Variants in RFX7 observed in about 807,000 individuals in gnomAD.
RFX7 encodes the protein DNA-binding protein RFX7.
Under a neutral mutation model 111.8 loss-of-function variants are expected in RFX7, and 26 were observed. The observed-to-expected ratio is 0.23, with a 90% CI of 0.17 to 0.32. RFX7 has a LOEUF of 0.32. RFX7 is among the 10% of genes least tolerant of loss of function. The pLI is 1.00. For missense variants in RFX7, 1,573 were observed against 1,772.9 expected, an observed-to-expected ratio of 0.89 and a Z score of 2.02; for synonymous variants, 624 against 624.4, an observed-to-expected ratio of 1.00 and a Z score of 0.01.
At chr15:56,198,850 A>T (rs2043169050) in intron 2 of RFX7, among the ~76,000 whole-genome samples, 1 of 152,032 alleles carries the variant, frequency 6.6e-6, no homozygotes, top group East Asian at 1.9e-4. Flanking sequence ...ATACATTCGA[A>T]ATTTTTTACA....
intron 2 of RFX7, among the ~76,000 whole-genome samples, chr15:56,215,668 A>T (rs866320271): frequency 4.6e-5 from 7 of 152,320 alleles, no homozygotes; most frequent in Middle Eastern, 3.4e-3. Flanking sequence ...CTTATATTCT[A>T]TTTGGATACC....
chr15:56,172,765 TTAGTGGAGAA>T (rs2042859441), intron 3 of RFX7, among the ~76,000 whole-genome samples: 2 of 152,048 alleles, frequency 1.3e-5, no homozygotes, highest in East Asian at 1.9e-4. Context: ...TGAAACAGGT[TTAGTGGAGAA>T]TAGTGGAAAA....
intron 4 of RFX7, 103 bp downstream of exon 4, chr15:56,144,298 G>A: frequency 5.6e-6 from 2 of 358,262 alleles, no homozygotes; most frequent in South Asian, 3.9e-5. Flanking sequence ...ATCATTTCAG[G>A]AATATTGCAA....
chr15:56,143,687 C>T (rs2042432322), intron 4 of RFX7, among the ~76,000 whole-genome samples: 1 of 152,020 alleles, frequency 6.6e-6, no homozygotes, highest in Non-Finnish European at 1.5e-5. Context: ...GAGCAAGTGT[C>T]TAGGACATAA....
intron 3 of RFX7, among the ~76,000 whole-genome samples, chr15:56,171,032 T>C (rs988227243): frequency 4.6e-5 from 7 of 152,134 alleles, no homozygotes; most frequent in African/African-American, 1.7e-4. Flanking sequence ...ATGATGATAG[T>C]GTGGAGAACG....
At chr15:56,147,994 G>A (rs2042507239) in intron 3 of RFX7, among the ~76,000 whole-genome samples, 2 of 152,206 alleles carry the variant, frequency 1.3e-5, no homozygotes, top group South Asian at 4.1e-4. Context: ...TTGAGTTGAA[G>A]AAGTTCTCAA....
At chr15:56,106,586 T>A (rs946925675) in intron 5 of RFX7, among the ~76,000 whole-genome samples, 1 of 152,234 alleles carries the variant, frequency 6.6e-6, no homozygotes, top group Non-Finnish European at 1.5e-5. Context: ...GGTCATACTC[T>A]TAAATGATGG....
chr15:56,115,880 T>C (rs1409590680), intron 5 of RFX7, among the ~76,000 whole-genome samples: 1 of 151,322 alleles, frequency 6.6e-6, no homozygotes, highest in Non-Finnish European at 1.5e-5. Context: ...AGGCAGAGCT[T>C]GCAGTGAGCC....
intron 3 of RFX7, among the ~76,000 whole-genome samples, chr15:56,162,001 T>C (rs1364908688): frequency 6.6e-6 from 1 of 152,064 alleles, no homozygotes; most frequent in East Asian, 1.9e-4. Flanking sequence ...GAAGCCAAGG[T>C]TATTATCAAT....
At chr15:56,117,746 T>A (rs2042026732) in intron 5 of RFX7, among the ~76,000 whole-genome samples, 1 of 152,142 alleles carries the variant, frequency 6.6e-6, no homozygotes, top group Non-Finnish European at 1.5e-5. Context: ...CTATTCCCAG[T>A]TTATTTTACT....
chr15:56,208,201 A>G lies in RFX7; in HGVS notation c.162-28898T>C, dbSNP rs1384149181. On this transcript the variant is annotated intron_variant, in intron 2 of 9. Coordinates refer to ENST00000559447, the MANE Select transcript of RFX7 (RefSeq NM_022841.7). ...AATATGCCAAAGCATTCTGTTCCTA[A>G]TAACGCTACCCTCAGGAGAAATTAA... Among the ~76,000 whole-genome samples the G allele has an allele frequency of 2.6e-5, 4 of 152,206 alleles. No individual in the cohort carries two copies. In the East Asian group the frequency reaches 7.7e-4, roughly 29 times the overall value.
At chr15:56,115,799 G>A (rs762091924) in intron 5 of RFX7, among the ~76,000 whole-genome samples, 20 of 152,024 alleles carry the variant, frequency 1.3e-4, no homozygotes, top group African/African-American at 2.2e-4. Context: ...ACAATTAGCC[G>A]GGCGTGGTGG....
intron 1 of RFX7, 54 bp downstream of exon 1, chr15:56,243,379 AGGAGGGGGAGGG>A (rs1165213710): frequency 1.3e-5 from 5 of 385,512 alleles, no homozygotes; most frequent in Non-Finnish European, 1.3e-5. Context: ...GGGGGAGAGG[AGGAGGGGGAGGG>A]GGAGGGGAAG....
chr15:56,115,278 C>G (rs1185876149), intron 5 of RFX7, among the ~76,000 whole-genome samples: 2 of 152,212 alleles, frequency 1.3e-5, no homozygotes, highest in Non-Finnish European at 2.9e-5. Flanking sequence ...TCCCAAAGTG[C>G]TGGCATTACA....
At chr15:56,126,834 C>T (rs775945860) in intron 5 of RFX7, among the ~76,000 whole-genome samples, 16 of 151,958 alleles carry the variant, frequency 1.1e-4, no homozygotes, top group South Asian at 2.1e-4. Context: ...CTGTAACAAT[C>T]GTAACTTTTT....
At chr15:56,185,669 T>C (rs2141149352) in intron 2 of RFX7, among the ~76,000 whole-genome samples, 1 of 152,306 alleles carries the variant, frequency 6.6e-6, no homozygotes, top group Non-Finnish European at 1.5e-5. Flanking sequence ...AGTAATGCCA[T>C]TTTGTCTTAA....
chr15:56,107,878 G>A (rs992816532), intron 5 of RFX7, among the ~76,000 whole-genome samples: 6 of 151,988 alleles, frequency 3.9e-5, no homozygotes, highest in Admixed American at 1.3e-4. Flanking sequence ...AGGGGATATC[G>A]CCACTGATCC....
At chr15:56,212,578 T>C (rs1207634436) in intron 2 of RFX7, among the ~76,000 whole-genome samples, 1 of 152,110 alleles carries the variant, frequency 6.6e-6, no homozygotes, top group Non-Finnish European at 1.5e-5. Flanking sequence ...ATGTTGATAA[T>C]GGGGAGGCTA....
chr15:56,183,423 C>A (rs775882534), intron 2 of RFX7, among the ~76,000 whole-genome samples: 12 of 151,922 alleles, frequency 7.9e-5, no homozygotes, highest in Non-Finnish European at 1.5e-4. Flanking sequence ...TCATTTTGAT[C>A]TTTAATCGGA....
Sources: gnomAD v4.1 joint callset for allele counts (sites outside exome capture counted in the v4.1 genomes callset) on GRCh38, gnomAD v4.1.1 for gene constraint, MANE v1.5 for transcripts, NCBI Gene and HGNC (gene_info 2026-07-23, HGNC 2026-07-21) for gene names.